Variants in CNTNAP2 observed in about 807,000 individuals in gnomAD.
CNTNAP2 encodes the protein contactin-associated protein-like 2.
Under a neutral mutation model 155.2 loss-of-function variants are expected in CNTNAP2, and 98 were observed. That is an observed-to-expected ratio of 0.63 (90% CI 0.54 to 0.75). The LOEUF is 0.75. Among genes scored for constraint, CNTNAP2 ranks in the 30% least tolerant of loss-of-function variants. The probability of loss-of-function intolerance (pLI) is 0.00; values close to 1 mark genes in which losing one functional copy is unlikely to be tolerated. For synonymous variants in CNTNAP2, 651 were observed against 631.2 expected (o/e 1.03, Z -0.47); for missense variants, 1,727 against 1,688.1 (o/e 1.02, Z -0.40).
chr7:146,116,971 C>T lies in CNTNAP2; in HGVS notation c.95C>T (p.Ser32Phe). The T allele has an allele frequency of 6.4e-7, 1 of 1,550,984 alleles. No individual in the cohort carries two copies. Among genetic ancestry groups the T allele is most frequent in the Non-Finnish European group, 8.7e-7 (1 of 1,146,882 alleles). ...LCRAWTAPST[S>F]QKCDEPLVSG... ...AGAGCCTGGACGGCTCCCTCCACGT[C>T]CCGTAAGTAGCCGTCTCCTCGCTCT... Residue 32 changes from serine (S) to phenylalanine (F), a missense_variant and splice_region_variant, in exon 1 of 24, where the codon TCC becomes TTC. Ser to Phe is a radical substitution (Grantham distance 155). Coordinates refer to ENST00000361727, the MANE Select transcript of CNTNAP2 (RefSeq NM_014141.6). This position sits in a 1 kb window ranked among gnomAD's most constrained non-coding sequence, Gnocchi z 5.5.
At chr7:148,208,297 A>G (rs1051967427) in intron 18 of CNTNAP2, among the ~76,000 whole-genome samples, 1 of 152,118 alleles carries the variant, frequency 6.6e-6, no homozygotes, top group Non-Finnish European at 1.5e-5. Flanking sequence ...ATTCGGGGAG[A>G]GGATCAGATT....
At chr7:146,619,269 A>C (rs897006018) in intron 1 of CNTNAP2, among the ~76,000 whole-genome samples, 1 of 152,154 alleles carries the variant, frequency 6.6e-6, no homozygotes, top group Non-Finnish European at 1.5e-5. Flanking sequence ...AGGTATATTA[A>C]ACCCAAATGG....
chr7:147,350,303 A>G (rs1795947248), intron 9 of CNTNAP2, among the ~76,000 whole-genome samples: 1 of 151,954 alleles, frequency 6.6e-6, no homozygotes, highest in Non-Finnish European at 1.5e-5. Context: ...ATCACCTGCA[A>G]TAAAACATGT....
chr7:146,140,162 A>G (rs1420845070), intron 1 of CNTNAP2, among the ~76,000 whole-genome samples: 1 of 152,104 alleles, frequency 6.6e-6, no homozygotes, highest in East Asian at 1.9e-4. Flanking sequence ...AGAAAGCTCC[A>G]TTTCCAAAAA....
chr7:147,631,800 C>T (rs980725941), intron 12 of CNTNAP2, among the ~76,000 whole-genome samples: 8 of 152,250 alleles, frequency 5.3e-5, no homozygotes, highest in Admixed American at 2.0e-4. Flanking sequence ...GAAGCTGCAT[C>T]CTCATCGCTT....
At chr7:147,124,134 C>T (rs1047128149) in intron 6 of CNTNAP2, among the ~76,000 whole-genome samples, 6 of 152,184 alleles carry the variant, frequency 3.9e-5, no homozygotes, top group African/African-American at 7.2e-5. Context: ...TATATCCACA[C>T]ACTAACTATA....
At chr7:146,905,014 G>T (rs1325299422) in intron 3 of CNTNAP2, among the ~76,000 whole-genome samples, 1 of 152,130 alleles carries the variant, frequency 6.6e-6, no homozygotes, top group Non-Finnish European at 1.5e-5. Flanking sequence ...CTCAACCTCA[G>T]CACTATGACA....
chr7:146,426,408 T>C (rs55795858), intron 1 of CNTNAP2, among the ~76,000 whole-genome samples: 55,982 of 136,122 alleles, frequency 0.41, 12,420 homozygotes, highest in African/African-American at 0.67. Context: ...TATATATATA[T>C]ACACACACAC....
chr7:147,920,062 T>C (rs1800243183), intron 14 of CNTNAP2, among the ~76,000 whole-genome samples: 3 of 151,522 alleles, frequency 2.0e-5, no homozygotes. Flanking sequence ...GCAGAAACCT[T>C]AAAAAGTATG....
chr7:146,278,830 C>T (rs186735377), intron 1 of CNTNAP2, among the ~76,000 whole-genome samples: 20 of 152,120 alleles, frequency 1.3e-4, no homozygotes, highest in South Asian at 2.1e-4. Context: ...TTTATTACAG[C>T]GCTAAAAATA....
At chr7:148,359,504 G>A (rs949711644) in intron 21 of CNTNAP2, among the ~76,000 whole-genome samples, 1 of 152,180 alleles carries the variant, frequency 6.6e-6, no homozygotes, top group Admixed American at 6.5e-5. Context: ...CTTTGTATGT[G>A]TGCCTTTAGC....
chr7:148,048,002 C>A (rs549235626), intron 15 of CNTNAP2, among the ~76,000 whole-genome samples: 2 of 152,010 alleles, frequency 1.3e-5, no homozygotes, highest in Non-Finnish European at 2.9e-5. Flanking sequence ...CAGCTCACTG[C>A]AAGCTCCACC....
intron 2 of CNTNAP2, among the ~76,000 whole-genome samples, chr7:146,783,715 A>G (rs908286132): frequency 2.6e-5 from 4 of 152,198 alleles, no homozygotes; most frequent in Non-Finnish European, 4.4e-5. Flanking sequence ...TGCAATTTCC[A>G]TAGAGCAATG....
At chr7:146,478,784 T>C (rs567871769) in intron 1 of CNTNAP2, among the ~76,000 whole-genome samples, 39 of 152,136 alleles carry the variant, frequency 2.6e-4, no homozygotes, top group Non-Finnish European at 4.1e-4. Context: ...TTTAGAGACA[T>C]GTGAAAAGTG....
chr7:147,151,470 ATATAAAC>A (rs1801823770), intron 8 of CNTNAP2, among the ~76,000 whole-genome samples: 1 of 152,186 alleles, frequency 6.6e-6, no homozygotes, highest in Non-Finnish European at 1.5e-5. Flanking sequence ...ATATAACTAA[ATATAAAC>A]TATAATTTTT....
chr7:146,999,888 T>C (rs1798389314), intron 3 of CNTNAP2, among the ~76,000 whole-genome samples: 1 of 152,042 alleles, frequency 6.6e-6, no homozygotes, highest in South Asian at 2.1e-4. Flanking sequence ...GAAGACTTTT[T>C]ACCTTCCTGT....
chr7:146,210,916 A>T (rs55905756), intron 1 of CNTNAP2, among the ~76,000 whole-genome samples: 2,091 of 151,886 alleles, frequency 0.014, 61 homozygotes, highest in African/African-American at 0.049. Flanking sequence ...TTAAGGTAAG[A>T]GGCCTAAATA....
chr7:146,704,676 T>C (rs1029850672), intron 1 of CNTNAP2, among the ~76,000 whole-genome samples: 1 of 152,134 alleles, frequency 6.6e-6, no homozygotes, highest in African/African-American at 2.4e-5. Context: ...AACCAAATAG[T>C]TTAGGAAACA....
chr7:146,274,964 G>A (rs1440548539), intron 1 of CNTNAP2, among the ~76,000 whole-genome samples: 3 of 152,140 alleles, frequency 2.0e-5, no homozygotes, highest in Non-Finnish European at 4.4e-5. Context: ...TGGGACACCT[G>A]TTATCTGCAA....
Sources: allele counts gnomAD v4.1 joint callset (sites outside exome capture counted in the v4.1 genomes callset), GRCh38; gene constraint gnomAD v4.1.1; non-coding constraint Gnocchi (gnomAD v3.1); transcripts MANE v1.5; gene names NCBI Gene and HGNC (gene_info 2026-07-23, HGNC 2026-07-21).